The following TGFBR3 variants were observed in gnomAD, a reference collection of about 807,000 sequenced individuals.
TGFBR3 encodes transforming growth factor beta receptor type 3.
TGFBR3 carries 46 observed loss-of-function variants against 87.9 expected under a neutral mutation model. The ratio of observed to expected loss-of-function variants is 0.52; its 90% CI spans 0.41 to 0.67. TGFBR3 has a LOEUF of 0.67. Ranked by LOEUF, TGFBR3 falls within the 30% of genes least tolerant of loss-of-function variation. The pLI, the probability that TGFBR3 is intolerant of heterozygous loss-of-function variation, is 0.00. For missense variants in TGFBR3, 866 were observed against 1,041.9 expected, an observed-to-expected ratio of 0.83 and a Z score of 2.32; for synonymous variants, 381 against 391.6, an observed-to-expected ratio of 0.97 and a Z score of 0.32.
intron 1 of TGFBR3, among the ~76,000 whole-genome samples, chr1:91,903,160 G>A (rs1002967422): frequency 1.3e-5 from 2 of 151,090 alleles, no homozygotes; most frequent in Non-Finnish European, 2.9e-5. Context: ...CCAACATGGC[G>A]AAACCCTGTC....
At chr1:91,759,231 G>A (rs1177305654) in intron 3 of TGFBR3, among the ~76,000 whole-genome samples, 1 of 152,110 alleles carries the variant, frequency 6.6e-6, no homozygotes, top group Non-Finnish European at 1.5e-5. Flanking sequence ...AATGGGTTCT[G>A]CCAAAGAAAA....
chr1:91,777,666 C>T lies in TGFBR3; in HGVS notation c.247-18916G>A, dbSNP rs1406185147. ...ATTACTTAGCACTTAACGTGTTTAT[C>T]TCAGCCCAGCTGTAGTTGATTACAT... On this transcript the variant is annotated intron_variant, in intron 3 of 16. Transcript: ENST00000212355. Among the ~76,000 whole-genome samples, 5 of 144,564 alleles carry T rather than the reference C, an allele frequency of 3.5e-5. No individual in the cohort carries two copies. The Admixed American group carries it at 3.7e-4, about 11-fold the overall frequency. 94.8% of individuals were successfully genotyped at this position (144,564 alleles called of 152,430 possible).
Position 91,899,967 on chromosome 1 carries a change from A to G in TGFBR3, c.-174-270T>C, listed in dbSNP as rs138802951. On this transcript the variant is annotated intron_variant, in intron 1 of 17. Transcript: ENST00000370399. ...CATAGTGAGACCTGTCTCTAAAAAC[A>G]AAACAAAACAAAAAGAAACTTCTTT... Among the ~76,000 whole-genome samples, 349 of 152,266 alleles carry G rather than the reference A, an allele frequency of 2.3e-3. 2 individuals are homozygous for G. Among genetic ancestry groups the G allele is most frequent in the African/African-American group, 8.1e-3 (336 of 41,554 alleles).
At chr1:91,763,486 T>C (rs1037666638) in intron 3 of TGFBR3, among the ~76,000 whole-genome samples, 9 of 152,194 alleles carry the variant, frequency 5.9e-5, no homozygotes, top group Non-Finnish European at 1.3e-4. Flanking sequence ...GATTCAATAA[T>C]CAGTTTACAC....
intron 2 of TGFBR3, among the ~76,000 whole-genome samples, chr1:91,820,341 A>G (rs1676396065): frequency 6.6e-6 from 1 of 152,154 alleles, no homozygotes; most frequent in African/African-American, 2.4e-5. Flanking sequence ...ACTATAAAGT[A>G]TTACAGGCAT....
intron 13 of TGFBR3, among the ~76,000 whole-genome samples, chr1:91,709,343 A>T (rs192632327): frequency 5.3e-4 from 80 of 152,362 alleles, no homozygotes; most frequent in African/African-American, 1.8e-3. Flanking sequence ...TACAGCTGGA[A>T]AAATCATGTA....
rs1672966688 is a variant in TGFBR3 at position 91,736,324 on chromosome 1, T to TA, written c.385-1366dup. ...TCGTGACTACACTTGACAGCACTGA[T>TA]ACGTAGTAAGTGTGCAGTCAGTGGT... On this transcript the variant is annotated intron_variant, in intron 4 of 16. Coordinates refer to ENST00000212355, the MANE Select transcript of TGFBR3 (RefSeq NM_003243.5). Among the ~76,000 whole-genome samples, 3 of 150,968 alleles carry TA rather than the reference T, an allele frequency of 2.0e-5. 1 individual carries two copies. The South Asian group carries it at 6.4e-4, about 32-fold the overall frequency.
chr1:91,752,610 T>G (rs1322539355), intron 4 of TGFBR3, among the ~76,000 whole-genome samples: 1 of 152,112 alleles, frequency 6.6e-6, no homozygotes, highest in Non-Finnish European at 1.5e-5. Context: ...TTTAGGTTAT[T>G]AAAAGCCAGG....
In TGFBR3 at chr1:91,680,583, G is replaced by A. The variant is rs912756470; in HGVS notation, c.*3156C>T. 4.4e-6 allele frequency: 2 copies of A among 454,004 alleles called. No individual in the cohort carries two copies. The highest frequency in any genetic ancestry group is 4.0e-5 in the African/African-American group (2 of 50,092). 28.1% of individuals were successfully genotyped at this position (454,004 alleles called of 1,614,324 possible). ...GGAAAAACCAGAAGAGAGAAGTATT[G>A]TATTTGGAAACTGATAATAGTCCTT... On this transcript the variant is annotated 3_prime_UTR_variant, in exon 17 of 17. Transcript: ENST00000212355.
At chr1:91,860,741 G>A (rs1264801626) in intron 2 of TGFBR3, among the ~76,000 whole-genome samples, 1 of 151,914 alleles carries the variant, frequency 6.6e-6, no homozygotes, top group African/African-American at 2.4e-5. Flanking sequence ...AGACCAGCAT[G>A]GCCAAAATGG....
intron 16 of TGFBR3, 109 bp downstream of exon 16, chr1:91,695,563 G>A (rs1452234026): frequency 5.4e-6 from 5 of 928,748 alleles, no homozygotes; most frequent in South Asian, 4.0e-5. Context: ...AAAATAGTAG[G>A]AATGAACTTT....
chr1:91,792,930 G>T (rs565250628), intron 3 of TGFBR3, among the ~76,000 whole-genome samples: 1 of 152,150 alleles, frequency 6.6e-6, no homozygotes, highest in South Asian at 2.1e-4. Context: ...TGTTGTTTCC[G>T]AAACCAATGA....
rs546106201 is a variant in TGFBR3 at position 91,823,235 on chromosome 1, T to C, written c.62-25764A>G. 3.3e-5 allele frequency among the ~76,000 whole-genome samples: 5 copies of C among 152,254 alleles called. No homozygotes were observed. The East Asian group carries it at 9.7e-4, about 29-fold the overall frequency. On this transcript the variant is annotated intron_variant, in intron 2 of 16. Transcript: ENST00000212355. ...TGATATCTGAGGTGATTCTTAAGAA[T>C]TAATATAATCTACCCAAGCAACATG...
At chr1:91,744,855 GGA>G (rs1673283939) in intron 4 of TGFBR3, among the ~76,000 whole-genome samples, 1 of 152,138 alleles carries the variant, frequency 6.6e-6, no homozygotes, top group East Asian at 1.9e-4. Context: ...AAGCCAAGAG[GGA>G]GAGTGTAAAG....
In TGFBR3 at chr1:91,753,390, C is replaced by CAAAAAAAAA. The variant is rs71586711; in HGVS notation, c.384+5214_384+5222dup. Among the ~76,000 whole-genome samples the CAAAAAAAAA allele has an allele frequency of 1.5e-4, 8 of 52,354 alleles. 1 individual carries two copies. Among genetic ancestry groups the CAAAAAAAAA allele is most frequent in the African/African-American group, 6.2e-4 (7 of 11,272 alleles). 34.3% of individuals were successfully genotyped at this position (52,354 alleles called of 152,430 possible). ...GAGTAAGGGAGTGAGACTCTGTCCT[C>CAAAAAAAAA]AAAAAAAAAAAAAAAAAAAAAAAAA... On this transcript the variant is annotated intron_variant, in intron 4 of 16. Coordinates refer to ENST00000212355, the MANE Select transcript of TGFBR3 (RefSeq NM_003243.5).
chr1:91,795,198 A>C lies in TGFBR3; in HGVS notation c.246+2089T>G, dbSNP rs17131563. Among the ~76,000 whole-genome samples, 1,510 of 152,346 alleles carry C rather than the reference A, an allele frequency of 9.9e-3. 75 individuals are homozygous for C. In the East Asian group the frequency reaches 0.12, roughly 12 times the overall value. Reference sequence around the variant, plus strand: ...AAAATCTTGTTTTCAAACAGTATTGAACTACAACCATCTAATTCTTAAAGG... The same window carrying C: ...AAAATCTTGTTTTCAAACAGTATTGCACTACAACCATCTAATTCTTAAAGG... On this transcript the variant is annotated intron_variant, in intron 3 of 16. Coordinates refer to ENST00000212355, the MANE Select transcript of TGFBR3 (RefSeq NM_003243.5).
chr1:91,876,353 C>A (rs547606772), intron 1 of TGFBR3, among the ~76,000 whole-genome samples: 22 of 152,300 alleles, frequency 1.4e-4, no homozygotes, highest in African/African-American at 5.1e-4. Context: ...ACACCTAGGT[C>A]TCACAGGACC....
intron 5 of TGFBR3, 142 bp downstream of exon 5, chr1:91,734,634 C>T (rs1672893636): frequency 1.4e-5 from 15 of 1,055,332 alleles, no homozygotes; most frequent in Non-Finnish European, 2.2e-5. Flanking sequence ...GTGGAGAGGC[C>T]TGGGGCCAAA....
At chr1:91,794,347 G>A (rs986001456) in intron 3 of TGFBR3, among the ~76,000 whole-genome samples, 9 of 151,970 alleles carry the variant, frequency 5.9e-5, no homozygotes, top group Non-Finnish European at 8.8e-5. Context: ...ACGACTACAG[G>A]CACCCGCCAC....
Sources: allele counts gnomAD v4.1 joint callset (sites outside exome capture counted in the v4.1 genomes callset), GRCh38; gene constraint gnomAD v4.1.1; transcripts MANE v1.5; gene names NCBI Gene and HGNC (gene_info 2026-07-23, HGNC 2026-07-21).